The following SPSB1 variants were observed in gnomAD, a reference collection of about 807,000 sequenced individuals.
The protein encoded by SPSB1 is SPRY domain-containing SOCS box protein 1.
Under a neutral mutation model 21.2 loss-of-function variants are expected in SPSB1, and 8 were observed. That is an observed-to-expected ratio of 0.38 (90% CI 0.22 to 0.68). The LOEUF is 0.68. Among genes scored for constraint, SPSB1 ranks in the 30% least tolerant of loss-of-function variants. The pLI is 0.53. For missense variants in SPSB1, 242 were observed against 377.8 expected, an observed-to-expected ratio of 0.64 and a Z score of 2.98; for synonymous variants, 169 against 161.7, an observed-to-expected ratio of 1.05 and a Z score of -0.34.
intron 1 of SPSB1, among the ~76,000 whole-genome samples, chr1:9,322,612 C>A (rs1200194063): frequency 6.6e-6 from 1 of 152,088 alleles, no homozygotes; most frequent in Admixed American, 6.6e-5. Flanking sequence ...GGCATCGTTG[C>A]GGACAGAGGT....
At chr1:9,325,343 A>T (rs1221251635) in intron 1 of SPSB1, among the ~76,000 whole-genome samples, 1 of 151,772 alleles carries the variant, frequency 6.6e-6, no homozygotes, top group African/African-American at 2.4e-5. Context: ...AGCTCTTGCC[A>T]CCTTTGGGGA....
chr1:9,363,990 G>A lies in SPSB1; in HGVS notation c.695-3458G>A, dbSNP rs1199194283. On this transcript the variant is annotated intron_variant, in intron 2 of 2. Coordinates refer to ENST00000328089, the MANE Select transcript of SPSB1 (RefSeq NM_025106.4). This position sits in a 1 kb window ranked among gnomAD's most constrained non-coding sequence, Gnocchi z 4.5. ...GCTGGGATTACAGGCATAAGCCACC[G>A]CGTCCAGCCTAGAAACATTTCTTCA... 2.0e-5 allele frequency among the ~76,000 whole-genome samples: 3 copies of A among 152,146 alleles called. No homozygotes were observed. The highest frequency in any genetic ancestry group is 6.5e-5 in the Admixed American group (1 of 15,274).
intron 1 of SPSB1, among the ~76,000 whole-genome samples, chr1:9,309,458 T>G (rs886826341): frequency 5.9e-5 from 9 of 152,030 alleles, no homozygotes; most frequent in Middle Eastern, 3.2e-3. Context: ...GCGGGAATTA[T>G]AGGTATGTGT....
intron 1 of SPSB1, among the ~76,000 whole-genome samples, chr1:9,306,873 G>A (rs1639420219): frequency 6.6e-6 from 1 of 151,764 alleles, no homozygotes. Context: ...ATGCAGATGT[G>A]CTCTGTGACA....
chr1:9,357,749 G>A (rs75069994), intron 2 of SPSB1, among the ~76,000 whole-genome samples: 14,909 of 152,244 alleles, frequency 0.098, 991 homozygotes, highest in East Asian at 0.27. Context: ...TAGGGGCACC[G>A]TGCTGGTGTG....
chr1:9,339,736 C>G (rs920790821), intron 1 of SPSB1, among the ~76,000 whole-genome samples: 3 of 152,098 alleles, frequency 2.0e-5, no homozygotes, highest in Non-Finnish European at 4.4e-5. Flanking sequence ...TTCCCAGACC[C>G]CGAGTGACTG....
At chr1:9,316,555 G>A (rs1639616957) in intron 1 of SPSB1, among the ~76,000 whole-genome samples, 2 of 152,070 alleles carry the variant, frequency 1.3e-5, no homozygotes, top group Non-Finnish European at 2.9e-5. Flanking sequence ...GGATGGCGAG[G>A]AGGGGGGGGC....
In SPSB1 at chr1:9,293,020, C is replaced by T. The variant is rs1256643738; in HGVS notation, c.-201C>T. ...CCTGCGGCGGGCGCGGCCCGGGCGC[C>T]CGAGCCTCCTCGGCCTTGGAGAGCA... On this transcript the variant is annotated 5_prime_UTR_variant, in exon 1 of 3. Coordinates refer to ENST00000328089, the MANE Select transcript of SPSB1 (RefSeq NM_025106.4). The surrounding 1 kb of genome is among the most constrained non-coding windows in gnomAD (Gnocchi z 5.1). The T allele has an allele frequency of 1.0e-6, 1 of 982,732 alleles. No individual in the cohort carries two copies. Among genetic ancestry groups the T allele is most frequent in the Non-Finnish European group, 1.2e-6 (1 of 828,540 alleles). The allele number at this position is 982,732 out of a possible 1,614,324, so 60.9% of individuals were successfully genotyped here.
chr1:9,327,247 T>C (rs1204949842), intron 1 of SPSB1, among the ~76,000 whole-genome samples: 2 of 152,228 alleles, frequency 1.3e-5, no homozygotes, highest in African/African-American at 4.8e-5. Context: ...TTTTATCTCA[T>C]CCAGTTTCAT....
At chr1:9,349,661 G>A (rs1029223578) in intron 1 of SPSB1, among the ~76,000 whole-genome samples, 8 of 152,214 alleles carry the variant, frequency 5.3e-5, no homozygotes, top group African/African-American at 1.7e-4. Context: ...CACACAATCC[G>A]CCACCAGCAT....
chr1:9,342,993 C>T (rs537837569), intron 1 of SPSB1, among the ~76,000 whole-genome samples: 2 of 152,314 alleles, frequency 1.3e-5, no homozygotes, highest in East Asian at 3.9e-4. Context: ...CCATCCACAC[C>T]CACCCCCTGT....
In SPSB1 at chr1:9,367,817, A is replaced by G; in HGVS notation, c.*242A>G. On this transcript the variant is annotated 3_prime_UTR_variant, in exon 3 of 3. Coordinates refer to ENST00000328089, the MANE Select transcript of SPSB1 (RefSeq NM_025106.4). The surrounding 1 kb of genome is among the most constrained non-coding windows in gnomAD (Gnocchi z 5.9). ...CATCCCTGCATGCCGTCCGTATACA[A>G]CCCCTCTTTGAAAAAAGACACAGAG... 1 of 548,994 alleles carries G rather than the reference A, an allele frequency of 1.8e-6. No individual in the cohort carries two copies. Among genetic ancestry groups the G allele is most frequent in the East Asian group, 3.1e-5 (1 of 31,792 alleles). The allele number at this position is 548,994 out of a possible 1,614,324, so 34.0% of individuals were successfully genotyped here.
intron 1 of SPSB1, among the ~76,000 whole-genome samples, chr1:9,326,853 AT>A (rs913574966): frequency 6.6e-6 from 1 of 152,192 alleles, no homozygotes; most frequent in African/African-American, 2.4e-5. Flanking sequence ...AAACACAAAA[AT>A]CCCCGTGGAT....
chr1:9,315,081 C>T (rs563876610), intron 1 of SPSB1, among the ~76,000 whole-genome samples: 1 of 152,348 alleles, frequency 6.6e-6, no homozygotes, highest in African/African-American at 2.4e-5. Flanking sequence ...GTTTAAAATA[C>T]AACATCTTGT....
At chr1:9,349,861 C>G (rs2100509491) in intron 1 of SPSB1, among the ~76,000 whole-genome samples, 1 of 152,128 alleles carries the variant, frequency 6.6e-6, no homozygotes, top group East Asian at 1.9e-4. Flanking sequence ...GTTCCCAACC[C>G]AGAGTGACTG....
At chr1:9,355,217 AT>A (rs1370324029) in intron 1 of SPSB1, among the ~76,000 whole-genome samples, 1 of 152,196 alleles carries the variant, frequency 6.6e-6, no homozygotes, top group Non-Finnish European at 1.5e-5. Flanking sequence ...TCTGCAGTGA[AT>A]TGGTGGTGCG....
intron 1 of SPSB1, among the ~76,000 whole-genome samples, chr1:9,307,021 A>G (rs567993115): frequency 8.1e-4 from 121 of 149,964 alleles, no homozygotes; most frequent in African/African-American, 1.8e-3. Flanking sequence ...TCCGCCTCCC[A>G]GGTTCCAGTG....
chr1:9,303,036 G>C (rs901354355), intron 1 of SPSB1, among the ~76,000 whole-genome samples: 2 of 152,194 alleles, frequency 1.3e-5, no homozygotes, highest in Non-Finnish European at 2.9e-5. Context: ...CTGCCACCTG[G>C]CTTCTTTGGG....
chr1:9,328,994 C>T (rs1639870378), intron 1 of SPSB1, among the ~76,000 whole-genome samples: 2 of 152,200 alleles, frequency 1.3e-5, no homozygotes, highest in Non-Finnish European at 2.9e-5. Flanking sequence ...AGGTTGAAAA[C>T]CACTGCTCTG....
Sources: gnomAD v4.1 joint callset for allele counts (sites outside exome capture counted in the v4.1 genomes callset) on GRCh38, gnomAD v4.1.1 for gene constraint, Gnocchi (gnomAD v3.1) non-coding constraint, MANE v1.5 for transcripts, NCBI Gene and HGNC (gene_info 2026-07-23, HGNC 2026-07-21) for gene names.